Variants in ATP9A observed in about 807,000 individuals in gnomAD.
ATP9A encodes probable phospholipid-transporting ATPase IIA.
ATP9A carries 52 observed loss-of-function variants against 144.1 expected under a neutral mutation model. The observed-to-expected ratio is 0.36, with a 90% CI of 0.29 to 0.45. ATP9A has a LOEUF of 0.45. ATP9A is among the 20% of genes least tolerant of loss of function. The pLI is 1.00. For synonymous variants in ATP9A, 582 were observed against 557.4 expected (o/e 1.04, Z -0.62); for missense variants, 947 against 1,392.7 (o/e 0.68, Z 5.09).
chr20:51,656,162 GTATA>G (rs1057495496), intron 14 of ATP9A, among the ~76,000 whole-genome samples: 7 of 151,858 alleles, frequency 4.6e-5, no homozygotes, highest in African/African-American at 1.7e-4. Context: ...AGGAAAGTGG[GTATA>G]GAATTTCCTT....
intron 13 of ATP9A, among the ~76,000 whole-genome samples, chr20:51,661,626 C>T (rs1307554152): frequency 2.0e-5 from 3 of 151,330 alleles, no homozygotes; most frequent in Admixed American, 2.0e-4. Flanking sequence ...CCGCCTCGGC[C>T]TCCCAAAGTG....
chr20:51,649,845 G>A (rs745575380), intron 14 of ATP9A, among the ~76,000 whole-genome samples: 11 of 151,060 alleles, frequency 7.3e-5, no homozygotes, highest in Non-Finnish European at 1.3e-4. Context: ...CCTGGGAGGC[G>A]GAGGTTGAAG....
chr20:51,709,887 T>C (rs943626272), intron 4 of ATP9A, among the ~76,000 whole-genome samples: 1 of 152,210 alleles, frequency 6.6e-6, no homozygotes, highest in Admixed American at 6.5e-5. Flanking sequence ...ACTGCTATTA[T>C]TATTCATCAT....
chr20:51,654,099 C>G (rs566949606), intron 14 of ATP9A, among the ~76,000 whole-genome samples: 2 of 152,124 alleles, frequency 1.3e-5, no homozygotes, highest in Admixed American at 6.6e-5. Flanking sequence ...CCCTCCCTCC[C>G]CCTCTCTCTT....
chr20:51,713,483 G>A (rs1028383323), intron 3 of ATP9A, among the ~76,000 whole-genome samples: 6 of 152,170 alleles, frequency 3.9e-5, no homozygotes, highest in African/African-American at 1.4e-4. Flanking sequence ...TAACAACCCT[G>A]AGATATGCTC....
rs11905423 is a variant in ATP9A, at chr20:51,716,394, C to T, written c.328-3320G>A. Among the ~76,000 whole-genome samples the T allele has an allele frequency of 9.6e-3, 1,451 of 150,738 alleles. 15 individuals are homozygous for T. The highest frequency in any genetic ancestry group is 0.032 in the African/African-American group (1,327 of 40,956). On this transcript the variant is annotated intron_variant, in intron 3 of 27. Transcript: ENST00000338821. Reference sequence around the variant, plus strand: ...GGAAGATCGCTTGAGCCCAGGAGTTCGAGACCAGCCTGGGCAACATAGGGA... The same window carrying T: ...GGAAGATCGCTTGAGCCCAGGAGTTTGAGACCAGCCTGGGCAACATAGGGA...
chr20:51,663,851 G>A (rs560560271), intron 13 of ATP9A, among the ~76,000 whole-genome samples: 69 of 151,936 alleles, frequency 4.5e-4, no homozygotes, highest in African/African-American at 1.6e-3. Context: ...TGTTTTCTGT[G>A]GATGCAGAAA....
At position 51,727,173 on chromosome 20, in the gene ATP9A, GT is replaced by G. The variant is rs371044340; in HGVS notation, c.214-1242del. On this transcript the variant is annotated intron_variant, in intron 2 of 27. Coordinates refer to ENST00000338821, the MANE Select transcript of ATP9A (RefSeq NM_006045.3). ...CAGGCACCTATAGGCTACTCAGGAG[GT>G]TGAGGCAAGAGAATCGCTTGAACAC... is the stretch of plus-strand genomic sequence containing the variant. Among the ~76,000 whole-genome samples, 486 of 151,580 alleles carry G rather than the reference GT, an allele frequency of 3.2e-3. 1 individual carries two copies. The highest frequency in any genetic ancestry group is 0.011 in the African/African-American group (442 of 41,322).
chr20:51,651,595 C>G (rs2077366998), intron 14 of ATP9A, among the ~76,000 whole-genome samples: 1 of 151,518 alleles, frequency 6.6e-6, no homozygotes, highest in South Asian at 2.1e-4. Context: ...TCTACAATTT[C>G]TCCCTTTTCT....
Position 51,689,052 on chromosome 20 carries a change from A to G in ATP9A, c.799+12T>C. 1 of 1,612,952 alleles carries G rather than the reference A, an allele frequency of 6.2e-7. No individual in the cohort carries two copies. Among genetic ancestry groups the G allele is most frequent in the Non-Finnish European group, 8.5e-7 (1 of 1,179,246 alleles). On this transcript the variant is annotated intron_variant, in intron 9 of 27. Transcript: ENST00000338821. Reference sequence around the variant, plus strand: ...TCAAATTGCTACCACATTCCTCAAAACGGCGCCTCACCTGATGCGACCACA... The same window carrying G: ...TCAAATTGCTACCACATTCCTCAAAGCGGCGCCTCACCTGATGCGACCACA...
chr20:51,614,145 C>T (rs1025159365), intron 22 of ATP9A, among the ~76,000 whole-genome samples: 2 of 152,142 alleles, frequency 1.3e-5, no homozygotes, highest in Admixed American at 6.5e-5. Flanking sequence ...TTAAAACATT[C>T]AGTTCCCTTA....
intron 27 of ATP9A, among the ~76,000 whole-genome samples, chr20:51,602,329 T>C (rs2077146584): frequency 6.6e-6 from 1 of 152,236 alleles, no homozygotes; most frequent in African/African-American, 2.4e-5. Context: ...CAGCTGCCAC[T>C]GAGGCAGCAC....
At chr20:51,679,647 G>A (rs957534547) in intron 9 of ATP9A, among the ~76,000 whole-genome samples, 2 of 151,980 alleles carry the variant, frequency 1.3e-5, no homozygotes, top group East Asian at 1.9e-4. Context: ...TGCAGGCCAC[G>A]CAGCCCTTTC....
intron 9 of ATP9A, among the ~76,000 whole-genome samples, chr20:51,687,775 A>AATG (rs1555836824): frequency 0.075 from 11,035 of 147,416 alleles, 497 homozygotes; most frequent in African/African-American, 0.13. Flanking sequence ...AAAAAAAAAA[A>AATG]AATGAATGAA....
At chr20:51,699,958 G>A (rs1300369430) in intron 4 of ATP9A, among the ~76,000 whole-genome samples, 1 of 152,080 alleles carries the variant, frequency 6.6e-6, no homozygotes, top group Non-Finnish European at 1.5e-5. Flanking sequence ...CTGACTTCTA[G>A]AAAGCACTCA....
chr20:51,660,576 C>T (rs2077406599), intron 13 of ATP9A, among the ~76,000 whole-genome samples: 1 of 152,250 alleles, frequency 6.6e-6, no homozygotes, highest in African/African-American at 2.4e-5. Flanking sequence ...TACTTTCCCA[C>T]CTTTCCTACT....
rs971751225 is a variant in ATP9A, at chr20:51,720,104, A to G, written c.327+5715T>C. Among the ~76,000 whole-genome samples, 3 of 152,358 alleles carry G rather than the reference A, an allele frequency of 2.0e-5. 1 individual carries two copies. In the East Asian group the frequency reaches 5.8e-4, roughly 29 times the overall value. ...AATTTTTATTCATTGTACTTTGTTCATAAGCAACTCTGGAGGGAAGGACAA... is the reference window on the plus strand; with the variant it reads ...AATTTTTATTCATTGTACTTTGTTCGTAAGCAACTCTGGAGGGAAGGACAA... On this transcript the variant is annotated intron_variant, in intron 3 of 27. Transcript: ENST00000338821.
At chr20:51,753,450 C>CAAA (rs996701835) in intron 1 of ATP9A, among the ~76,000 whole-genome samples, 2 of 94,768 alleles carry the variant, frequency 2.1e-5, no homozygotes, top group African/African-American at 5.1e-5. Flanking sequence ...GACTCCGTCT[C>CAAA]AAAAAACAAC....
chr20:51,706,334 C>A (rs147271259), intron 4 of ATP9A, among the ~76,000 whole-genome samples: 2 of 152,334 alleles, frequency 1.3e-5, no homozygotes, highest in Non-Finnish European at 2.9e-5. Context: ...AGCTCATCAT[C>A]CAAGACAGGA....
Sources: allele counts gnomAD v4.1 joint callset (sites outside exome capture counted in the v4.1 genomes callset), GRCh38; gene constraint gnomAD v4.1.1; transcripts MANE v1.5; gene names NCBI Gene and HGNC (gene_info 2026-07-23, HGNC 2026-07-21).